SLC14A2: variants seen among roughly 807,000 people sequenced by gnomAD.
SLC14A2 encodes the protein solute carrier family 14 member 2, also known as urea transporter 2.
SLC14A2 carries 91 observed loss-of-function variants against 104.6 expected under a neutral mutation model. The ratio of observed to expected loss-of-function variants is 0.87; its 90% CI spans 0.73 to 1.04. SLC14A2 has a LOEUF of 1.04. Ranked by LOEUF, SLC14A2 falls within the 50% of genes least tolerant of loss-of-function variation. The pLI, the probability that SLC14A2 is intolerant of heterozygous loss-of-function variation, is 0.00. For synonymous variants in SLC14A2, 476 were observed against 466.4 expected, an observed-to-expected ratio of 1.02 and a Z score of -0.27; for missense variants, 1,189 against 1,156.0, an observed-to-expected ratio of 1.03 and a Z score of -0.41.
intron 1 of SLC14A2, among the ~76,000 whole-genome samples, chr18:45,368,236 TAC>T (rs1333383495): frequency 1.3e-5 from 2 of 152,168 alleles, no homozygotes; most frequent in East Asian, 1.9e-4. Flanking sequence ...TGCCCACACT[TAC>T]AGTTAATTTC....
the SLC14A2 span, among the ~76,000 whole-genome samples, chr18:45,203,076 C>G: frequency 1.3e-5 from 2 of 152,108 alleles, no homozygotes; most frequent in African/African-American, 4.8e-5. Flanking sequence ...CAGGTCCTCA[C>G]ATATCACTTG....
At chr18:45,354,842 C>T (rs1354026307) in intron 1 of SLC14A2, among the ~76,000 whole-genome samples, 1 of 152,176 alleles carries the variant, frequency 6.6e-6, no homozygotes, top group Non-Finnish European at 1.5e-5. Context: ...TCTGGTTTAC[C>T]CCTATTAAAA....
At chr18:45,648,129 A>G (rs895156524) in intron 10 of SLC14A2, among the ~76,000 whole-genome samples, 1 of 147,720 alleles carries the variant, frequency 6.8e-6, no homozygotes, top group South Asian at 2.2e-4. Flanking sequence ...CTATTAATTT[A>G]TGACAATCTT....
chr18:45,642,889 G>A (rs2045554524), intron 8 of SLC14A2, among the ~76,000 whole-genome samples: 1 of 152,262 alleles, frequency 6.6e-6, no homozygotes, highest in Non-Finnish European at 1.5e-5. Context: ...GGGACAAAAG[G>A]AAATATATGT....
intron 1 of SLC14A2, among the ~76,000 whole-genome samples, chr18:45,297,599 A>G (rs1599653255): frequency 6.6e-6 from 1 of 152,210 alleles, no homozygotes; most frequent in South Asian, 2.1e-4. Flanking sequence ...CAATTGCTTA[A>G]TCTACAAAAT....
At chr18:45,575,670 G>A (rs1019805375) in intron 2 of SLC14A2, among the ~76,000 whole-genome samples, 1 of 152,144 alleles carries the variant, frequency 6.6e-6, no homozygotes, top group African/African-American at 2.4e-5. Flanking sequence ...GGCTGAAGCA[G>A]AACTTGAGAG....
intron 1 of SLC14A2, among the ~76,000 whole-genome samples, chr18:45,271,212 A>G (rs773383572): frequency 6.6e-6 from 1 of 152,170 alleles, no homozygotes; most frequent in Admixed American, 6.6e-5. Flanking sequence ...TATCTGAGCA[A>G]GTAATGCTTG....
At chr18:45,499,108 A>AT (rs1173520289) in intron 2 of SLC14A2, among the ~76,000 whole-genome samples, 1 of 151,700 alleles carries the variant, frequency 6.6e-6, no homozygotes, top group Non-Finnish European at 1.5e-5. Context: ...CACCACCTTC[A>AT]TTTTTCACTG....
chr18:45,669,521 G>T, intron 16 of SLC14A2, 23 bp downstream of exon 16: 1 of 1,598,048 alleles, frequency 6.3e-7, no homozygotes, highest in Non-Finnish European at 8.6e-7. Context: ...GAAGGAGGAA[G>T]GGCAGGTCTG....
At chr18:45,468,641 T>C (rs2087187992) in intron 1 of SLC14A2, among the ~76,000 whole-genome samples, 1 of 152,040 alleles carries the variant, frequency 6.6e-6, no homozygotes, top group South Asian at 2.1e-4. Flanking sequence ...ATTAAGCAAC[T>C]CCATTGTAAT....
chr18:45,466,832 C>A (rs922190434), intron 1 of SLC14A2, among the ~76,000 whole-genome samples: 3 of 152,104 alleles, frequency 2.0e-5, no homozygotes, highest in African/African-American at 7.2e-5. Context: ...ACCACATTCA[C>A]TGATTCCTCC....
intron 2 of SLC14A2, among the ~76,000 whole-genome samples, chr18:45,549,202 AGG>A (rs1417582948): frequency 6.6e-6 from 1 of 152,242 alleles, no homozygotes; most frequent in Non-Finnish European, 1.5e-5. Flanking sequence ...TTCATGAAGT[AGG>A]AATTTGGCTT....
chr18:45,426,441 T>C (rs2086427722), intron 1 of SLC14A2, among the ~76,000 whole-genome samples: 2 of 151,632 alleles, frequency 1.3e-5, no homozygotes, highest in African/African-American at 4.8e-5. Flanking sequence ...TAACTAGTCA[T>C]ATGGTACCTG....
At chr18:45,272,869 C>T (rs1342902823) in intron 1 of SLC14A2, among the ~76,000 whole-genome samples, 1 of 152,162 alleles carries the variant, frequency 6.6e-6, no homozygotes, top group Admixed American at 6.6e-5. Context: ...TCATGTACCC[C>T]ACAAATATAT....
chr18:45,681,044 GTTTTTTTTTTTTTTTTTT>G (rs1166136830), intron 19 of SLC14A2, among the ~76,000 whole-genome samples: 1 of 5,374 alleles, frequency 1.9e-4, no homozygotes, highest in African/African-American at 2.1e-4. Context: ...AGTATCTGAG[GTTTTTTTTTTTTTTTTTT>G]TTTTTTTTTT....
At chr18:45,385,836 A>T (rs1210296118) in intron 1 of SLC14A2, among the ~76,000 whole-genome samples, 1 of 152,222 alleles carries the variant, frequency 6.6e-6, no homozygotes, top group East Asian at 1.9e-4. Flanking sequence ...GGGGTTATAT[A>T]GAAAAGTAAG....
At chr18:45,384,953 C>T (rs1384591827) in intron 1 of SLC14A2, among the ~76,000 whole-genome samples, 1 of 152,202 alleles carries the variant, frequency 6.6e-6, no homozygotes, top group Non-Finnish European at 1.5e-5. Context: ...TAAAGATGAA[C>T]AGGGAGCTTT....
chr18:45,344,743 G>T (rs2144291854), intron 1 of SLC14A2, among the ~76,000 whole-genome samples: 1 of 152,318 alleles, frequency 6.6e-6, no homozygotes, highest in South Asian at 2.1e-4. Context: ...CCTAGTAATA[G>T]GAAAGTGGTG....
At chr18:45,600,683 G>A (rs2044776299) in intron 2 of SLC14A2, among the ~76,000 whole-genome samples, 1 of 152,120 alleles carries the variant, frequency 6.6e-6, no homozygotes, top group African/African-American at 2.4e-5. Flanking sequence ...CCAAGAGGTG[G>A]GGAATAGGCA....
Sources: allele counts gnomAD v4.1 joint callset (sites outside exome capture counted in the v4.1 genomes callset), GRCh38; gene constraint gnomAD v4.1.1; transcripts MANE v1.5; gene names NCBI Gene and HGNC (gene_info 2026-07-23, HGNC 2026-07-21).